The following NEK1 variants were observed in gnomAD, a reference collection of about 807,000 sequenced individuals.
NEK1 encodes the protein serine/threonine-protein kinase Nek1.
NEK1 carries 137 observed loss-of-function variants against 182.1 expected under a neutral mutation model. The observed-to-expected ratio is 0.75, with a 90% confidence interval of 0.65 to 0.87. NEK1 has a LOEUF of 0.87. Among genes scored for constraint, NEK1 ranks in the 40% least tolerant of loss-of-function variants. The pLI, the probability that NEK1 is intolerant of heterozygous loss-of-function variation, is 0.00. For missense variants in NEK1, 1,391 were observed against 1,494.4 expected (o/e 0.93, Z 1.14); for synonymous variants, 513 against 492.2 (o/e 1.04, Z -0.56).
chr4:169,601,457 A>T (rs1770476660), intron 4 of NEK1, among the ~76,000 whole-genome samples: 1 of 152,186 alleles, frequency 6.6e-6, no homozygotes, highest in Non-Finnish European at 1.5e-5. Context: ...GTTCCAAAAC[A>T]GCATTATAGC....
intron 27 of NEK1, among the ~76,000 whole-genome samples, chr4:169,445,673 A>G (rs995897520): frequency 6.6e-6 from 1 of 151,730 alleles, no homozygotes; most frequent in Admixed American, 6.6e-5. Context: ...GGACTCCAAA[A>G]GGAAGGAAGG....
At chr4:169,521,083 A>ATGGCGGGCGCCCC (rs1554056036) in intron 19 of NEK1, among the ~76,000 whole-genome samples, 2 of 84,692 alleles carry the variant, frequency 2.4e-5, no homozygotes, top group East Asian at 5.8e-4. Context: ...AGCCTGGGCA[A>ATGGCGGGCGCCCC]TGGCGGGCGC....
At chr4:169,512,597 A>C (rs563043192) in intron 19 of NEK1, among the ~76,000 whole-genome samples, 20 of 152,074 alleles carry the variant, frequency 1.3e-4, no homozygotes, top group African/African-American at 4.8e-4. Context: ...TGCAGAGCCA[A>C]ATTTTTAAAT....
chr4:169,408,522 C>T (rs1284126771), intron 31 of NEK1, among the ~76,000 whole-genome samples: 2 of 152,180 alleles, frequency 1.3e-5, no homozygotes, highest in East Asian at 1.9e-4. Flanking sequence ...TTTTTGGTTA[C>T]ATGGATACGT....
intron 12 of NEK1, among the ~76,000 whole-genome samples, chr4:169,568,511 A>C (rs1233474015): frequency 6.6e-6 from 1 of 151,384 alleles, no homozygotes; most frequent in African/African-American, 2.5e-5. Flanking sequence ...ATACCAATGA[A>C]ATACAACTAC....
chr4:169,546,097 T>G (rs1311713679), intron 18 of NEK1, among the ~76,000 whole-genome samples: 4 of 152,206 alleles, frequency 2.6e-5, no homozygotes, highest in African/African-American at 7.2e-5. Context: ...TGTAGATCTT[T>G]CCCGCTTTCT....
At position 169,393,237 on chromosome 4, in the gene NEK1, A is replaced by T. The variant is rs1255529210; in HGVS notation, c.*1273T>A. The T allele has an allele frequency of 6.6e-6, 1 of 152,212 alleles. No homozygotes were observed. Among genetic ancestry groups the T allele is most frequent in the East Asian group, 1.9e-4 (1 of 5,200 alleles). 9.4% of individuals were successfully genotyped at this position (152,212 alleles called of 1,614,324 possible). On this transcript the variant is annotated 3_prime_UTR_variant, in exon 36 of 36. Transcript: ENST00000507142. Reference sequence around the variant, plus strand: ...CTTGATGTAAAAGCCTTCTATTGAGAAAAGTAAAATAATAAATAAAAGACA... The same window carrying T: ...CTTGATGTAAAAGCCTTCTATTGAGTAAAGTAAAATAATAAATAAAAGACA...
chr4:169,401,533 G>T (rs1023178494), intron 33 of NEK1, 119 bp downstream of exon 33: 58 of 687,562 alleles, frequency 8.4e-5, no homozygotes, highest in Middle Eastern at 5.3e-4. Flanking sequence ...GAGACCCAGA[G>T]GCATGCTTCA....
intron 10 of NEK1, among the ~76,000 whole-genome samples, chr4:169,581,989 T>C (rs1328725818): frequency 6.6e-6 from 1 of 152,166 alleles, no homozygotes; most frequent in East Asian, 1.9e-4. Context: ...TTTATAAACA[T>C]AGATGTTTAT....
chr4:169,493,587 C>T (rs910153745), intron 23 of NEK1, among the ~76,000 whole-genome samples: 1 of 152,032 alleles, frequency 6.6e-6, no homozygotes, highest in African/African-American at 2.4e-5. Context: ...ATGATATTAA[C>T]AAAGAACCAA....
intron 23 of NEK1, among the ~76,000 whole-genome samples, chr4:169,493,532 T>C (rs562622438): frequency 6.6e-6 from 1 of 152,166 alleles, no homozygotes. Flanking sequence ...TGAAATCCAA[T>C]ACAAAGAAGC....
chr4:169,536,087 G>T (rs925804152), intron 19 of NEK1, among the ~76,000 whole-genome samples: 3 of 151,680 alleles, frequency 2.0e-5, no homozygotes, highest in Non-Finnish European at 4.4e-5. Flanking sequence ...CTGAGGTCTG[G>T]AGTTCAAGAC....
At chr4:169,591,597 C>T (rs931204670) in intron 5 of NEK1, among the ~76,000 whole-genome samples, 13 of 151,986 alleles carry the variant, frequency 8.6e-5, no homozygotes, top group Non-Finnish European at 1.8e-4. Context: ...TCTCTGGAGA[C>T]GGCCACTTGG....
At chr4:169,478,515 T>C (rs367704983) in intron 24 of NEK1, 1 of 152,080 alleles carries the variant, frequency 6.6e-6, no homozygotes, top group Non-Finnish European at 1.5e-5. Context: ...TGACTAAGCC[T>C]ACTTGAAGAA....
At position 169,508,254 on chromosome 4, in the gene NEK1, A is replaced by G. The variant is rs1753637534; in HGVS notation, c.1827T>C (p.Gly609=). 1 of 1,587,340 alleles carries G rather than the reference A, an allele frequency of 6.3e-7. No homozygotes were observed. The highest frequency in any genetic ancestry group is 1.8e-5 in the Admixed American group (1 of 55,172). The change falls in exon 21 of 36, where the codon GGT becomes GGC. Residue 609 remains glycine (G), a synonymous_variant. Coordinates refer to ENST00000507142, the MANE Select transcript of NEK1 (RefSeq NM_001199397.3). ...ERQQIKAKLR[G]EKKEANHSEG... ...AAATAGCTTTTCAACCTACCTTTTC[A>G]CCACGAAGTTTGGCTTTAATCTGTT... is the stretch of plus-strand genomic sequence containing the variant.
At chr4:169,425,441 TG>T (rs1736220308) in intron 30 of NEK1, among the ~76,000 whole-genome samples, 1 of 106,726 alleles carries the variant, frequency 9.4e-6, no homozygotes, top group Non-Finnish European at 1.8e-5. Context: ...ACAAACAAAA[TG>T]AAAAAAAAAA....
At chr4:169,507,869 A>G in intron 21 of NEK1, 77 bp from the exon 22 acceptor site, 1 of 1,043,612 alleles carries the variant, frequency 9.6e-7, no homozygotes, top group Non-Finnish European at 1.4e-6. Flanking sequence ...AAAGATAACA[A>G]TGAATAAACT....
chr4:169,605,293 T>C (rs1771155027), intron 2 of NEK1, among the ~76,000 whole-genome samples: 1 of 152,138 alleles, frequency 6.6e-6, no homozygotes, highest in South Asian at 2.1e-4. Flanking sequence ...AACATTGTGG[T>C]TCTAACTCTA....
chr4:169,564,144 A>G (rs565569382), intron 12 of NEK1, among the ~76,000 whole-genome samples: 1 of 152,280 alleles, frequency 6.6e-6, no homozygotes, highest in South Asian at 2.1e-4. Context: ...ATATACCAAA[A>G]AAGATAAAAA....
Sources: allele counts gnomAD v4.1 joint callset (sites outside exome capture counted in the v4.1 genomes callset), GRCh38; gene constraint gnomAD v4.1.1; transcripts MANE v1.5; gene names NCBI Gene and HGNC (gene_info 2026-07-23, HGNC 2026-07-21).